LRBA: variants seen among roughly 807,000 people sequenced by gnomAD.
The protein encoded by LRBA is LPS responsive beige-like anchor protein.
In LRBA, 176 loss-of-function variants were observed where a neutral mutation model predicts 330.0. That is an observed-to-expected ratio of 0.53 (90% CI 0.47 to 0.60). The LOEUF is 0.60. Among genes scored for constraint, LRBA ranks in the 20% least tolerant of loss-of-function variants. The pLI is 0.00. For synonymous variants in LRBA, 1,230 were observed against 1,193.0 expected (o/e 1.03, Z -0.64); for missense variants, 3,259 against 3,444.8 (o/e 0.95, Z 1.35).
chr4:150,780,660 CGTGT>C (rs746248518), intron 34 of LRBA, among the ~76,000 whole-genome samples: 47 of 14,116 alleles, frequency 3.3e-3, no homozygotes, highest in Admixed American at 6.9e-3. Context: ...TATATATATA[CGTGT>C]GTGTGTGTAT....
At chr4:150,548,767 C>T (rs1337233005) in intron 40 of LRBA, among the ~76,000 whole-genome samples, 1 of 152,116 alleles carries the variant, frequency 6.6e-6, no homozygotes, top group South Asian at 2.1e-4. Context: ...TGACATTGTG[C>T]TAACTGCTAT....
intron 37 of LRBA, among the ~76,000 whole-genome samples, chr4:150,617,523 T>G (rs1334686538): frequency 6.6e-6 from 1 of 152,054 alleles, no homozygotes; most frequent in Non-Finnish European, 1.5e-5. Context: ...GCGCCTGTAA[T>G]CCCAGCTACT....
In LRBA at chr4:150,310,331, T is replaced by C; in HGVS notation, c.7747A>G (p.Ile2583Val). ...RQITDLLDQS[I>V]QVHSQCFVIT... ...ACAAAGCACTGGGAATGCACTTGAA[T>C]ACTTTGGTCTAAAAGGTCAGTGATT... Residue 2583 changes from isoleucine (I) to valine (V), a missense_variant, in exon 52 of 57, where the codon ATT becomes GTT. Transcript: ENST00000651943. 1 of 1,613,044 alleles carries C rather than the reference T, an allele frequency of 6.2e-7. No individual in the cohort carries two copies. Among genetic ancestry groups the C allele is most frequent in the East Asian group, 2.2e-5 (1 of 44,850 alleles).
At chr4:150,893,174 T>G in intron 16 of LRBA, 25 bp from the exon 17 acceptor site, 1 of 1,452,654 alleles carries the variant, frequency 6.9e-7, no homozygotes, top group Non-Finnish European at 9.5e-7. Flanking sequence ...GAAATTTTTT[T>G]TAAAAAATGA....
intron 48 of LRBA, among the ~76,000 whole-genome samples, chr4:150,342,611 C>T (rs953110365): frequency 1.3e-5 from 2 of 152,152 alleles, no homozygotes; most frequent in Admixed American, 1.3e-4. Flanking sequence ...TCTTCCTCCT[C>T]TTATGGTTAT....
intron 36 of LRBA, among the ~76,000 whole-genome samples, chr4:150,686,580 C>CATACACTAAAACAA (rs1476810451): frequency 1.3e-5 from 2 of 152,052 alleles, no homozygotes; most frequent in East Asian, 3.9e-4. Flanking sequence ...CTAACCCAAC[C>CATACACTAAAACAA]ATACACTAAA....
At chr4:150,837,007 T>C (rs999341402) in intron 28 of LRBA, among the ~76,000 whole-genome samples, 45 of 152,282 alleles carry the variant, frequency 3.0e-4, no homozygotes, top group South Asian at 6.2e-4. Context: ...TTTGTTCTCA[T>C]TGGTTTCAAA....
intron 33 of LRBA, among the ~76,000 whole-genome samples, chr4:150,804,144 T>C (rs1244926195): frequency 1.3e-5 from 2 of 152,182 alleles, no homozygotes; most frequent in Non-Finnish European, 2.9e-5. Context: ...TTCAATTTTT[T>C]TCCAATTATA....
At chr4:150,903,179 C>T (rs554633530) in intron 13 of LRBA, among the ~76,000 whole-genome samples, 65 of 152,046 alleles carry the variant, frequency 4.3e-4, no homozygotes, top group African/African-American at 1.5e-3. Context: ...GCCGGAAGTT[C>T]GAGACCAGCC....
At chr4:150,304,527 C>A (rs1167000313) in intron 52 of LRBA, among the ~76,000 whole-genome samples, 2 of 152,030 alleles carry the variant, frequency 1.3e-5, no homozygotes, top group Non-Finnish European at 2.9e-5. Context: ...TAAGGGAGAG[C>A]AGACTTCAAA....
At chr4:150,479,601 T>C (rs563890359) in intron 42 of LRBA, among the ~76,000 whole-genome samples, 1 of 152,340 alleles carries the variant, frequency 6.6e-6, no homozygotes, top group South Asian at 2.1e-4. Flanking sequence ...AGTTCTGGAA[T>C]ACATCCTCGA....
intron 5 of LRBA, among the ~76,000 whole-genome samples, chr4:150,917,247 C>T (rs2149490601): frequency 6.6e-6 from 1 of 151,622 alleles, no homozygotes; most frequent in South Asian, 2.1e-4. Context: ...TTTAATTTTC[C>T]CTAATACATA....
chr4:150,522,390 G>A (rs994459494), intron 40 of LRBA, among the ~76,000 whole-genome samples: 1 of 152,178 alleles, frequency 6.6e-6, no homozygotes, highest in Non-Finnish European at 1.5e-5. Flanking sequence ...AGCAGTTTTG[G>A]AACTGGGTAA....
intron 44 of LRBA, among the ~76,000 whole-genome samples, chr4:150,440,184 A>T (rs1751637632): frequency 6.6e-6 from 1 of 152,162 alleles, no homozygotes; most frequent in African/African-American, 2.4e-5. Flanking sequence ...AGTGACTCAA[A>T]ATACTGGCCA....
At chr4:150,377,290 AC>A (rs1741495870) in intron 47 of LRBA, among the ~76,000 whole-genome samples, 1 of 152,204 alleles carries the variant, frequency 6.6e-6, no homozygotes, top group South Asian at 2.1e-4. Flanking sequence ...CAGAAACTGG[AC>A]CTAGGCTTTC....
intron 48 of LRBA, among the ~76,000 whole-genome samples, chr4:150,339,781 T>G (rs535851357): frequency 6.6e-6 from 1 of 152,078 alleles, no homozygotes; most frequent in Admixed American, 6.6e-5. Context: ...AGTATTCTAC[T>G]GTGTAAATTT....
At chr4:150,334,409 A>C (rs550907552) in intron 48 of LRBA, among the ~76,000 whole-genome samples, 186 of 152,256 alleles carry the variant, frequency 1.2e-3, no homozygotes, top group Non-Finnish European at 2.3e-3. Context: ...GACTTGAAAG[A>C]CTTAATGTTT....
intron 13 of LRBA, among the ~76,000 whole-genome samples, chr4:150,901,182 C>T (rs934028764): frequency 6.6e-6 from 1 of 152,008 alleles, no homozygotes; most frequent in African/African-American, 2.4e-5. Flanking sequence ...ACCTGTAGTC[C>T]CAGGTACTCA....
In LRBA at chr4:150,321,346, T is replaced by C. The variant is rs141682630; in HGVS notation, c.7475A>G (p.Lys2492Arg). Residue 2492 changes from lysine (K) to arginine (R), a missense_variant, in exon 50 of 57, where the codon AAA (lysine) becomes AGA (arginine). Coordinates refer to ENST00000651943, the MANE Select transcript of LRBA (RefSeq NM_001364905.1). This position sits in a 1 kb window ranked among gnomAD's most constrained non-coding sequence, Gnocchi z 4.5. ...MQVSPLMFTD[K>R]AQQDVIMVLK... ...GACCATGATAACATCCTGCTGGGCT[T>C]TGTCTGTGAACATCAATGGACTCTG... The C allele has an allele frequency of 1.9e-6, 3 of 1,602,420 alleles. No individual in the cohort carries two copies. In the African/African-American group the frequency reaches 4.0e-5, roughly 22 times the overall value.
Sources: gnomAD v4.1 joint callset for allele counts (sites outside exome capture counted in the v4.1 genomes callset) on GRCh38, gnomAD v4.1.1 for gene constraint, Gnocchi (gnomAD v3.1) non-coding constraint, MANE v1.5 for transcripts, NCBI Gene and HGNC (gene_info 2026-07-23, HGNC 2026-07-21) for gene names.